NF1: variants seen among roughly 807,000 people sequenced by gnomAD.
NF1 encodes the protein neurofibromin 1.
Under a neutral mutation model 325.7 loss-of-function variants are expected in NF1, and 122 were observed. That is an observed-to-expected ratio of 0.37 (90% CI 0.32 to 0.44). The LOEUF is 0.44. NF1 is among the 20% of genes least tolerant of loss of function. NF1 has a pLI of 1.00. For missense variants in NF1, 2,140 were observed against 3,415.4 expected (o/e 0.63, Z 9.31); for synonymous variants, 1,091 against 1,186.0 (o/e 0.92, Z 1.65).
At chr17:31,353,661 C>G (rs2070207823) in intron 51 of NF1, among the ~76,000 whole-genome samples, 1 of 152,156 alleles carries the variant, frequency 6.6e-6, no homozygotes, top group Admixed American at 6.5e-5. Context: ...CATCGCTCCT[C>G]AGAGGAAATG....
At chr17:31,106,952 A>G (rs1311687389) in intron 1 of NF1, among the ~76,000 whole-genome samples, 2 of 152,212 alleles carry the variant, frequency 1.3e-5, no homozygotes, top group Admixed American at 1.3e-4. Context: ...TATTCTAAGA[A>G]CATTTTACTT....
At chr17:31,373,977 AAAG>A (rs762364627) in intron 57 of NF1, 33 bp from the exon 58 acceptor site, 53 of 1,613,650 alleles carry the variant, frequency 3.3e-5, no homozygotes, top group African/African-American at 5.3e-5. Context: ...CCTGGAAGGA[AAAG>A]AAGAAGTAAC....
intron 51 of NF1, among the ~76,000 whole-genome samples, chr17:31,353,829 C>A (rs1257890837): frequency 6.6e-6 from 1 of 152,152 alleles, no homozygotes; most frequent in African/African-American, 2.4e-5. Context: ...TGTTTGTGTT[C>A]ATAAGGAAAT....
At chr17:31,189,587 A>G (rs2066303928) in intron 8 of NF1, among the ~76,000 whole-genome samples, 1 of 152,068 alleles carries the variant, frequency 6.6e-6, no homozygotes, top group African/African-American at 2.4e-5. Flanking sequence ...TTTTGTCTAT[A>G]GATTTACTTA....
At chr17:31,222,764 T>C (rs2066948526) in intron 15 of NF1, 2 of 173,944 alleles carry the variant, frequency 1.1e-5, no homozygotes, top group African/African-American at 4.7e-5. Context: ...CTTCAAACTT[T>C]GGTGTGTCTT....
At chr17:31,184,859 G>T (rs541157308) in intron 8 of NF1, among the ~76,000 whole-genome samples, 22 of 152,168 alleles carry the variant, frequency 1.4e-4, no homozygotes, top group African/African-American at 4.6e-4. Flanking sequence ...GCAACAAAAG[G>T]TGCATGTACA....
chr17:31,139,208 T>C (rs1916027105), intron 1 of NF1, among the ~76,000 whole-genome samples: 2 of 152,100 alleles, frequency 1.3e-5, no homozygotes, highest in African/African-American at 4.8e-5. Flanking sequence ...CCACCATGCG[T>C]GGCTAAATTT....
Position 31,235,955 on chromosome 17 carries a change from C to T in NF1, c.3908C>T (p.Pro1303Leu), listed in dbSNP as rs1597722962. ...ACCTATCTACAAAAACTCCTGGATC[C>T]TTTATTACGAATTGTGATCACATCC... ...GATYLQKLLD[P>L]LLRIVITSSD... Residue 1303 changes from proline (P) to leucine (L), a missense_variant, in exon 29 of 58, where the codon CCT becomes CTT. Coordinates refer to ENST00000358273, the MANE Select transcript of NF1 (RefSeq NM_001042492.3). 6.2e-7 allele frequency: 1 copy of T among 1,613,916 alleles called. No individual in the cohort carries two copies. Among genetic ancestry groups the T allele is most frequent in the Non-Finnish European group, 8.5e-7 (1 of 1,179,962 alleles).
chr17:31,252,757 T>A (rs2067517817), intron 30 of NF1, 181 bp from the exon 31 acceptor site: 1 of 602,794 alleles, frequency 1.7e-6, no homozygotes, highest in Non-Finnish European at 2.9e-6. Context: ...GGCTTAAAAA[T>A]GTAATAAAAA....
At chr17:31,265,045 T>C (rs920357482) in intron 35 of NF1, among the ~76,000 whole-genome samples, 184 bp from the exon 36 acceptor site, 3 of 152,216 alleles carry the variant, frequency 2.0e-5, no homozygotes, top group African/African-American at 7.2e-5. Context: ...AAAAGTGCTT[T>C]TGTGGTTCAA....
chr17:31,182,167 C>T (rs1405205503), intron 7 of NF1, among the ~76,000 whole-genome samples: 1 of 152,178 alleles, frequency 6.6e-6, no homozygotes, highest in Non-Finnish European at 1.5e-5. Flanking sequence ...AATACAGACT[C>T]CTGGAGAACT....
intron 4 of NF1, among the ~76,000 whole-genome samples, chr17:31,167,748 T>A (rs1179057442): frequency 6.6e-6 from 1 of 152,162 alleles, no homozygotes; most frequent in Non-Finnish European, 1.5e-5. Flanking sequence ...TTATTAACAT[T>A]TAGGCTAAGT....
At chr17:31,118,832 T>C (rs1293515423) in intron 1 of NF1, among the ~76,000 whole-genome samples, 1 of 152,132 alleles carries the variant, frequency 6.6e-6, no homozygotes, top group Non-Finnish European at 1.5e-5. Context: ...AGTCAAATGG[T>C]ATTTCTAGTT....
In NF1 at chr17:31,225,989, T is replaced by C. The variant is rs17883469; in HGVS notation, c.2002-446T>C. Among the ~76,000 whole-genome samples, 1,436 of 152,284 alleles carry C rather than the reference T, an allele frequency of 9.4e-3. 23 individuals are homozygous for C. The highest frequency in any genetic ancestry group is 0.033 in the African/African-American group (1,352 of 41,554). On this transcript the variant is annotated intron_variant, in intron 17 of 57. Transcript: ENST00000358273. ...TTTATGCCCTTGTTTCAATGAGTGC[T>C]GCAGTGTACTTATTTTATTACTTCC...
intron 1 of NF1, among the ~76,000 whole-genome samples, chr17:31,140,882 T>C (rs977173521): frequency 2.6e-5 from 4 of 152,184 alleles, no homozygotes; most frequent in African/African-American, 9.7e-5. Flanking sequence ...CTCACTTATA[T>C]GTGGAATGTT....
At chr17:31,290,292 A>G (rs1039249022) in intron 36 of NF1, among the ~76,000 whole-genome samples, 2 of 151,868 alleles carry the variant, frequency 1.3e-5, no homozygotes, top group Non-Finnish European at 2.9e-5. Context: ...TGGTTTTATG[A>G]CTTCCTTGTT....
rs138648061 is a variant in NF1 at position 31,353,849 on chromosome 17, A to G, written c.7615+1435A>G. 3.2e-3 allele frequency among the ~76,000 whole-genome samples: 495 copies of G among 152,360 alleles called. 8 individuals carry two copies. Among genetic ancestry groups the G allele is most frequent in the African/African-American group, 0.011 (466 of 41,580 alleles). On this transcript the variant is annotated intron_variant, in intron 51 of 57. Coordinates refer to ENST00000358273, the MANE Select transcript of NF1 (RefSeq NM_001042492.3). ...GTGTTCATAAGGAAATTAGTGAACAAACAACAAATTGTAACATAAATAACG... is the reference window on the plus strand; with the variant it reads ...GTGTTCATAAGGAAATTAGTGAACAGACAACAAATTGTAACATAAATAACG...
At chr17:31,318,995 G>T in intron 36 of NF1, 1 of 1,605,240 alleles carries the variant, frequency 6.2e-7, no homozygotes, top group Non-Finnish European at 8.5e-7. Flanking sequence ...TGTCCTGTGT[G>T]TTCCATGTCC....
At chr17:31,253,685 A>G (rs1198419379) in intron 31 of NF1, 1 of 152,222 alleles carries the variant, frequency 6.6e-6, no homozygotes, top group Non-Finnish European at 1.5e-5. Context: ...ATCTGCTTCT[A>G]TGAACTTGCC....
Sources: gnomAD v4.1 joint callset for allele counts (sites outside exome capture counted in the v4.1 genomes callset) on GRCh38, gnomAD v4.1.1 for gene constraint, MANE v1.5 for transcripts, NCBI Gene and HGNC (gene_info 2026-07-23, HGNC 2026-07-21) for gene names.